The following ALG14 variants were observed in gnomAD, a reference collection of about 807,000 sequenced individuals.
ALG14 encodes UDP-N-acetylglucosamine transferase subunit ALG14.
A neutral mutation model predicts 22.8 loss-of-function variants in ALG14; 17 were observed. The observed-to-expected ratio is 0.75, with a 90% CI of 0.51 to 1.12. ALG14 has a LOEUF of 1.12. Among genes scored for constraint, ALG14 ranks in the 50% most tolerant of loss-of-function variants. The pLI, the probability that ALG14 is intolerant of heterozygous loss-of-function variation, is 0.00. For synonymous variants in ALG14, 89 were observed against 103.7 expected (o/e 0.86, Z 0.86); for missense variants, 288 against 271.8 (o/e 1.06, Z -0.42).
intron 2 of ALG14, among the ~76,000 whole-genome samples, chr1:95,056,442 C>T (rs1158486083): frequency 2.0e-5 from 3 of 151,350 alleles, no homozygotes; most frequent in South Asian, 4.2e-4. Flanking sequence ...TCCAGGAGTT[C>T]GAGACCAGCC....
chr1:95,062,894 G>A (rs953733044), intron 2 of ALG14, among the ~76,000 whole-genome samples: 2 of 152,160 alleles, frequency 1.3e-5, no homozygotes, highest in African/African-American at 2.4e-5. Flanking sequence ...CACAATGGTT[G>A]AACTAATTTA....
intron 3 of ALG14, among the ~76,000 whole-genome samples, chr1:94,984,123 G>T (rs923150448): frequency 1.3e-5 from 2 of 151,982 alleles, no homozygotes; most frequent in African/African-American, 4.8e-5. Flanking sequence ...GTTTTCAGAG[G>T]AAAAAGCATT....
intron 2 of ALG14, among the ~76,000 whole-genome samples, chr1:95,054,823 A>G (rs1674876096): frequency 6.6e-6 from 1 of 152,242 alleles, no homozygotes; most frequent in Admixed American, 6.5e-5. Context: ...ATTTGATGAG[A>G]GTACTGTAAC....
intron 3 of ALG14, among the ~76,000 whole-genome samples, chr1:94,991,941 A>T (rs992387524): frequency 6.6e-6 from 1 of 152,090 alleles, no homozygotes; most frequent in South Asian, 2.1e-4. Flanking sequence ...AGAATCATCA[A>T]TATCACTGTC....
At chr1:95,022,500 T>C (rs997484710) in intron 3 of ALG14, 14 of 373,674 alleles carry the variant, frequency 3.7e-5, no homozygotes, top group African/African-American at 2.6e-4. Context: ...CCAGTCCTTC[T>C]GTATCTTTAA....
intron 2 of ALG14, among the ~76,000 whole-genome samples, chr1:95,033,685 G>A (rs916411213): frequency 6.6e-6 from 1 of 151,916 alleles, no homozygotes; most frequent in Non-Finnish European, 1.5e-5. Flanking sequence ...GAGAGAGGAG[G>A]CTGCCCCCAT....
Position 95,065,434 on chromosome 1 carries a change from G to A in ALG14, c.137-417C>T, listed in dbSNP as rs777057560. On this transcript the variant is annotated intron_variant, in intron 1 of 3. Transcript: ENST00000370205. ...TGCCTTAAAAATAAGGAAGAACCCC[G>A]GAAAAGGCTGAGATGACTTGAAAGG... 1.1e-4 allele frequency among the ~76,000 whole-genome samples: 17 copies of A among 152,144 alleles called. No homozygotes were observed. In the East Asian group the frequency reaches 1.7e-3, roughly 16 times the overall value.
chr1:95,065,394 G>C (rs1675322467), intron 1 of ALG14, among the ~76,000 whole-genome samples: 1 of 152,068 alleles, frequency 6.6e-6, no homozygotes, highest in African/African-American at 2.4e-5. Context: ...TAAGCAAATG[G>C]TTATGAAAAA....
In ALG14 at chr1:94,976,186, A is replaced by T. The variant is rs1672394864; in HGVS notation, c.*6890T>A. The T allele has an allele frequency of 6.6e-6, 1 of 152,082 alleles. No homozygotes were observed. The highest frequency in any genetic ancestry group is 1.5e-5 in the Non-Finnish European group (1 of 68,026). 9.4% of individuals were successfully genotyped at this position (152,082 alleles called of 1,614,324 possible). ...AATGTTTAGTGCTCCCTACAACTCTAACGCAGGTACATTATGCTTATTTTA... is the reference window on the plus strand; with the variant it reads ...AATGTTTAGTGCTCCCTACAACTCTTACGCAGGTACATTATGCTTATTTTA... On this transcript the variant is annotated 3_prime_UTR_variant, in exon 4 of 4. Coordinates refer to ENST00000370205, the MANE Select transcript of ALG14 (RefSeq NM_144988.4).
At chr1:95,013,580 A>G (rs1673427980) in intron 3 of ALG14, among the ~76,000 whole-genome samples, 1 of 152,034 alleles carries the variant, frequency 6.6e-6, no homozygotes, top group South Asian at 2.1e-4. Context: ...CAGCCTCCCA[A>G]AGTGTTGGGA....
intron 3 of ALG14, among the ~76,000 whole-genome samples, chr1:94,998,638 C>A (rs1241762841): frequency 6.6e-6 from 1 of 152,176 alleles, no homozygotes; most frequent in Non-Finnish European, 1.5e-5. Flanking sequence ...CAATAAAGTA[C>A]AGATGCTGTA....
intron 2 of ALG14, among the ~76,000 whole-genome samples, chr1:95,053,888 A>C (rs1046231525): frequency 6.6e-6 from 1 of 152,238 alleles, no homozygotes; most frequent in African/African-American, 2.4e-5. Flanking sequence ...ACTCAAACTC[A>C]AACATACTAG....
chr1:95,049,945 T>C (rs1352889990), intron 2 of ALG14, among the ~76,000 whole-genome samples: 1 of 152,212 alleles, frequency 6.6e-6, no homozygotes, highest in East Asian at 1.9e-4. Context: ...TATTGGATAA[T>C]TCCATATCAG....
chr1:94,996,127 G>C (rs1258671907), intron 3 of ALG14, among the ~76,000 whole-genome samples: 1 of 152,200 alleles, frequency 6.6e-6, no homozygotes, highest in Non-Finnish European at 1.5e-5. Context: ...GTGACTCTAT[G>C]CTAGTGTTTC....
rs1259814470 is a variant in ALG14, at chr1:94,981,001, G to A, written c.*2075C>T. 2 of 152,124 alleles carry A rather than the reference G, an allele frequency of 1.3e-5. No homozygotes were observed. Among genetic ancestry groups the A allele is most frequent in the Non-Finnish European group, 2.9e-5 (2 of 68,038 alleles). 9.4% of individuals were successfully genotyped at this position (152,124 alleles called of 1,614,324 possible). On this transcript the variant is annotated 3_prime_UTR_variant, in exon 4 of 4. Coordinates refer to ENST00000370205, the MANE Select transcript of ALG14 (RefSeq NM_144988.4). The stretch of plus-strand genomic sequence containing the variant: ...GCCTCTGCAGCAGGATTACCTGTGG[G>A]GGCCCAGGGAAGCTGCCCCACAGCA...
chr1:94,982,954 A>G lies in ALG14; in HGVS notation c.*122T>C. On this transcript the variant is annotated 3_prime_UTR_variant, in exon 4 of 4. Coordinates refer to ENST00000370205, the MANE Select transcript of ALG14 (RefSeq NM_144988.4). The stretch of plus-strand genomic sequence containing the variant: ...GTCATCTGTACATTTTTTATTCCTT[A>G]CCATCAATAATTCTCAGGACTGTCA... 1.3e-6 allele frequency: 1 copy of G among 748,420 alleles called. No homozygotes were observed. The highest frequency in any genetic ancestry group is 2.2e-6 in the Non-Finnish European group (1 of 453,846). 46.4% of individuals were successfully genotyped at this position (748,420 alleles called of 1,614,324 possible).
chr1:95,029,547 C>A (rs1323739728), intron 2 of ALG14, among the ~76,000 whole-genome samples: 1 of 152,158 alleles, frequency 6.6e-6, no homozygotes, highest in Admixed American at 6.6e-5. Context: ...AAGAAAAGAA[C>A]AGAATAATTA....
At chr1:95,023,453 A>T (rs558026446) in intron 3 of ALG14, among the ~76,000 whole-genome samples, 9 of 152,286 alleles carry the variant, frequency 5.9e-5, no homozygotes, top group African/African-American at 1.9e-4. Context: ...GAACTTAGAC[A>T]TTTCACAGCT....
intron 1 of ALG14, 77 bp downstream of exon 1, chr1:95,072,686 C>G (rs891206488): frequency 1.6e-5 from 25 of 1,569,670 alleles, no homozygotes; most frequent in Non-Finnish European, 2.0e-5. Flanking sequence ...CTAAGGGTAC[C>G]AGGGAAGAGC....
Sources: gnomAD v4.1 joint callset for allele counts (sites outside exome capture counted in the v4.1 genomes callset) on GRCh38, gnomAD v4.1.1 for gene constraint, MANE v1.5 for transcripts, NCBI Gene and HGNC (gene_info 2026-07-23, HGNC 2026-07-21) for gene names.